Variants in CPS1 observed in about 807,000 individuals in gnomAD.
CPS1 encodes the protein carbamoyl-phosphate synthase 1, also known as carbamoyl-phosphate synthase [ammonia], mitochondrial.
A neutral mutation model predicts 174.6 loss-of-function variants in CPS1; 109 were observed. The ratio of observed to expected loss-of-function variants is 0.62; its 90% CI spans 0.53 to 0.73. The LOEUF (loss-of-function observed/expected upper bound fraction) is 0.73, where lower values mean the gene tolerates loss of function less well. Ranked by LOEUF, CPS1 falls within the 30% of genes least tolerant of loss-of-function variation. CPS1 has a pLI of 0.00. For synonymous variants in CPS1, 637 were observed against 632.0 expected, an observed-to-expected ratio of 1.01 and a Z score of -0.12; for missense variants, 1,689 against 1,821.9, an observed-to-expected ratio of 0.93 and a Z score of 1.33.
chr2:210,490,144 A>C (rs1694834287), intron 1 of CPS1, among the ~76,000 whole-genome samples: 1 of 152,212 alleles, frequency 6.6e-6, no homozygotes, highest in Non-Finnish European at 1.5e-5. Context: ...AGAGTGATTC[A>C]ACTACTCTCA....
rs183517438 is a variant in CPS1 at position 210,510,592 on chromosome 2, T to A, written c.3+32826T>A. On this transcript the variant is annotated intron_variant, in intron 1 of 38. Transcript: ENST00000430249. Reference sequence around the variant, plus strand: ...CAAAAGAAACTATCATCAGAGTGAATAGGCAACCTACAGAATGGGACAAAA... The same window carrying A: ...CAAAAGAAACTATCATCAGAGTGAAAAGGCAACCTACAGAATGGGACAAAA... 5.8e-3 allele frequency among the ~76,000 whole-genome samples: 890 copies of A among 152,186 alleles called. 5 individuals carry two copies. The highest frequency in any genetic ancestry group is 9.0e-3 in the Non-Finnish European group (613 of 68,006).
At chr2:210,496,935 T>C (rs1360524372) in intron 1 of CPS1, among the ~76,000 whole-genome samples, 1 of 152,222 alleles carries the variant, frequency 6.6e-6, no homozygotes, top group Admixed American at 6.5e-5. Flanking sequence ...TCATTTATTT[T>C]CTGTCAAAGA....
chr2:210,608,088 G>A (rs1168957356), intron 18 of CPS1, among the ~76,000 whole-genome samples: 2 of 151,794 alleles, frequency 1.3e-5, no homozygotes, highest in African/African-American at 2.4e-5. Flanking sequence ...TAAAGCTATC[G>A]ATTTTGGGTT....
At chr2:210,544,679 A>G (rs1292951568) in intron 1 of CPS1, among the ~76,000 whole-genome samples, 1 of 152,052 alleles carries the variant, frequency 6.6e-6, no homozygotes, top group Non-Finnish European at 1.5e-5. Context: ...ATTCCTTGAC[A>G]ATCTTTTTCT....
intron 1 of CPS1, among the ~76,000 whole-genome samples, chr2:210,524,748 A>C (rs1695927518): frequency 6.6e-6 from 1 of 151,924 alleles, no homozygotes. Flanking sequence ...CAAAGATGGC[A>C]CTCAGACAAG....
intron 11 of CPS1, chr2:210,593,357 C>T: frequency 9.1e-7 from 1 of 1,103,818 alleles, no homozygotes; most frequent in Non-Finnish European, 1.1e-6. Context: ...GGTTGTGTAG[C>T]CACTAAGGGA....
chr2:210,583,339 GTC>G (rs1003509098), intron 6 of CPS1, among the ~76,000 whole-genome samples: 22 of 152,228 alleles, frequency 1.4e-4, no homozygotes, highest in African/African-American at 5.3e-4. Context: ...TTGAGCTACA[GTC>G]TCTGTCCTTG....
At chr2:210,539,577 C>T (rs1198970553) in intron 1 of CPS1, among the ~76,000 whole-genome samples, 1 of 152,084 alleles carries the variant, frequency 6.6e-6, no homozygotes, top group Non-Finnish European at 1.5e-5. Context: ...GACCTGCTTA[C>T]CCTATTCCTC....
At chr2:210,622,291 T>G (rs1230861604) in intron 21 of CPS1, among the ~76,000 whole-genome samples, 1 of 151,690 alleles carries the variant, frequency 6.6e-6, no homozygotes, top group Non-Finnish European at 1.5e-5. Context: ...TGCTTAAAAA[T>G]AATACATATA....
At chr2:210,655,821 C>G (rs145484899) in intron 29 of CPS1, among the ~76,000 whole-genome samples, 167 of 152,160 alleles carry the variant, frequency 1.1e-3, no homozygotes, top group African/African-American at 3.7e-3. Context: ...TCTTTTATAC[C>G]TACCCAATTA....
intron 8 of CPS1, 147 bp downstream of exon 8, chr2:210,590,381 T>G: frequency 1.6e-6 from 2 of 1,214,838 alleles, no homozygotes; most frequent in Non-Finnish European, 2.4e-6. Context: ...AGTAGAGATA[T>G]TCTGTAGGGG....
At chr2:210,589,140 T>C (rs982041006) in intron 7 of CPS1, among the ~76,000 whole-genome samples, 40 of 152,024 alleles carry the variant, frequency 2.6e-4, no homozygotes, top group Admixed American at 6.6e-5. Context: ...AGGTAACTAT[T>C]CCACACGGGC....
At chr2:210,556,369 G>A (rs565211825), upstream of CPS1, 33 of 471,576 alleles carry the variant, frequency 7.0e-5, no homozygotes, top group South Asian at 4.9e-4. Flanking sequence ...TTAGGATAAG[G>A]TTGTCCATGA....
intron 3 of CPS1, chr2:210,577,011 G>T: frequency 4.1e-6 from 1 of 244,934 alleles, no homozygotes. Context: ...TTCCATTTTT[G>T]AATGACTTCA....
At chr2:210,670,689 T>G (rs1358189586) in intron 34 of CPS1, among the ~76,000 whole-genome samples, 1 of 152,108 alleles carries the variant, frequency 6.6e-6, no homozygotes, top group Non-Finnish European at 1.5e-5. Context: ...AGGCATCTAG[T>G]TGAAGGTGAG....
rs1052874193 is a variant in CPS1, at chr2:210,491,314, T to G, written c.3+13548T>G. ...CATGTATTTGGTATCTGTGTTTTTT[T>G]TTTTTTTTTTTTTTTTTTTTTTTTG... is the stretch of plus-strand genomic sequence containing the variant. On this transcript the variant is annotated intron_variant, in intron 1 of 38. Coordinates refer to the CPS1 transcript ENST00000430249. Among the ~76,000 whole-genome samples, 48 of 117,346 alleles carry G rather than the reference T, an allele frequency of 4.1e-4. 3 individuals are homozygous for G. Among genetic ancestry groups the G allele is most frequent in the South Asian group, 3.0e-3 (10 of 3,282 alleles). The allele number at this position is 117,346 out of a possible 152,430, so 77.0% of individuals were successfully genotyped here.
intron 9 of CPS1, 73 bp downstream of exon 9, chr2:210,590,979 C>G (rs1194673262): frequency 9.5e-7 from 1 of 1,049,970 alleles, no homozygotes; most frequent in South Asian, 1.3e-5. Flanking sequence ...ACTCAGAGCA[C>G]TTACCTGCCA....
intron 16 of CPS1, among the ~76,000 whole-genome samples, chr2:210,602,589 A>G (rs1698766493): frequency 6.6e-6 from 1 of 151,966 alleles, no homozygotes. Flanking sequence ...TTTATAGTAC[A>G]ATCTATTGAC....
intron 1 of CPS1, among the ~76,000 whole-genome samples, chr2:210,493,186 T>C (rs1373462048): frequency 6.6e-6 from 1 of 152,204 alleles, no homozygotes; most frequent in Non-Finnish European, 1.5e-5. Flanking sequence ...CTCCTCTCTG[T>C]GGGTTCAAAG....
Sources: gnomAD v4.1 joint callset for allele counts (sites outside exome capture counted in the v4.1 genomes callset) on GRCh38, gnomAD v4.1.1 for gene constraint, MANE v1.5 for transcripts, NCBI Gene and HGNC (gene_info 2026-07-23, HGNC 2026-07-21) for gene names.